The following IL1RAPL2 variants were observed in gnomAD, a reference collection of about 807,000 sequenced individuals.
IL1RAPL2 encodes interleukin 1 receptor accessory protein like 2, also known as X-linked interleukin-1 receptor accessory protein-like 2.
In IL1RAPL2, 3 loss-of-function variants were observed where a neutral mutation model predicts 44.1. That is an observed-to-expected ratio of 0.07 (90% CI 0.03 to 0.18). The LOEUF is 0.18. Ranked by LOEUF, IL1RAPL2 falls within the 10% of genes least tolerant of loss-of-function variation. The probability of loss-of-function intolerance (pLI) is 1.00; values close to 1 mark genes in which losing one functional copy is unlikely to be tolerated. For synonymous variants in IL1RAPL2, 181 were observed against 178.8 expected, an observed-to-expected ratio of 1.01 and a Z score of -0.10; for missense variants, 391 against 496.4, an observed-to-expected ratio of 0.79 and a Z score of 2.02.
At chrX:105,125,304 T>C (rs2032963741) in intron 2 of IL1RAPL2, among the ~76,000 whole-genome samples, 1 of 110,925 alleles carries the variant, frequency 9.0e-6, no homozygotes, top group African/African-American at 3.3e-5. Flanking sequence ...GTTGAACGTA[T>C]AATAAGGCAT....
chrX:105,588,791 T>C (rs1321770219), intron 6 of IL1RAPL2, among the ~76,000 whole-genome samples: 2 of 112,263 alleles, frequency 1.8e-5, no homozygotes, highest in Non-Finnish European at 3.8e-5. Flanking sequence ...AGTCTACTAT[T>C]GATGAGCATT....
chrX:104,710,232 G>T (rs1177436988), intron 2 of IL1RAPL2, among the ~76,000 whole-genome samples: 1 of 111,434 alleles, frequency 9.0e-6, no homozygotes, highest in Non-Finnish European at 1.9e-5. Flanking sequence ...GTGCAAATGG[G>T]CCAAAAGTTT....
chrX:105,089,074 A>G (rs1290877723), intron 2 of IL1RAPL2, among the ~76,000 whole-genome samples: 1 of 111,666 alleles, frequency 9.0e-6, no homozygotes, highest in East Asian at 2.8e-4. Context: ...ACTCTACAGT[A>G]TGAAAAGGAT....
At chrX:105,686,380 C>CAGAAAAAA (rs2037975354) in intron 6 of IL1RAPL2, among the ~76,000 whole-genome samples, 1 of 25,170 alleles carries the variant, frequency 4.0e-5, no homozygotes. Flanking sequence ...AAATGGAAAG[C>CAGAAAAAA]AAAAAAAAAA....
At chrX:104,585,364 T>TA (rs1928531897) in intron 1 of IL1RAPL2, among the ~76,000 whole-genome samples, 1 of 26,997 alleles carries the variant, frequency 3.7e-5, no homozygotes, top group South Asian at 1.4e-3. Context: ...ATATATATTA[T>TA]ATATATTATA....
At chrX:105,177,656 G>A (rs1569398043) in intron 2 of IL1RAPL2, among the ~76,000 whole-genome samples, 1 of 110,936 alleles carries the variant, frequency 9.0e-6, no homozygotes, top group Non-Finnish European at 1.9e-5. Flanking sequence ...GTACAAATTT[G>A]TGTGACAAAT....
At position 105,267,547 on chromosome X, in the gene IL1RAPL2, A is replaced by T. The variant is rs1603040026; in HGVS notation, c.697+6A>T. 1 of 1,162,900 alleles carries T rather than the reference A, an allele frequency of 8.6e-7. No homozygotes were observed. The highest frequency in any genetic ancestry group is 3.0e-5 in the East Asian group (1 of 32,888). ...AACTGAATTGAAAGTTACAGGTAGG[A>T]ATCAGTTCTACAAAATTACGGCAAA... On this transcript the variant is annotated splice_donor_region_variant and intron_variant, in intron 5 of 10. Transcript: ENST00000372582.
chrX:105,181,216 C>T (rs930716567), intron 2 of IL1RAPL2, among the ~76,000 whole-genome samples: 1 of 111,710 alleles, frequency 9.0e-6, no homozygotes, highest in African/African-American at 3.3e-5. Flanking sequence ...TTTCTCTCTT[C>T]TTGGTTAGTA....
intron 6 of IL1RAPL2, among the ~76,000 whole-genome samples, chrX:105,605,872 G>T (rs938690992): frequency 1.8e-5 from 2 of 111,437 alleles, no homozygotes; most frequent in Admixed American, 1.9e-4. Context: ...TCAATAAATG[G>T]TGATGGAAAA....
At chrX:105,518,229 A>G (rs925997229) in intron 6 of IL1RAPL2, among the ~76,000 whole-genome samples, 1 of 110,867 alleles carries the variant, frequency 9.0e-6, no homozygotes, top group Non-Finnish European at 1.9e-5. Context: ...AGCTTTAAGC[A>G]AATAACCTCT....
chrX:104,761,226 C>T (rs905162508), intron 2 of IL1RAPL2, among the ~76,000 whole-genome samples: 3 of 111,266 alleles, frequency 2.7e-5, no homozygotes, highest in African/African-American at 9.8e-5. Flanking sequence ...CCTCAGGAAA[C>T]TTACAGTCAT....
intron 2 of IL1RAPL2, among the ~76,000 whole-genome samples, chrX:105,008,433 T>C (rs1367589700): frequency 4.5e-5 from 5 of 111,305 alleles, no homozygotes; most frequent in Non-Finnish European, 9.5e-5. Flanking sequence ...GAGAATTTTT[T>C]TTTCAGTTTC....
At position 105,500,258 on chromosome X, in the gene IL1RAPL2, C is replaced by T. The variant is rs777005800; in HGVS notation, c.772+15871C>T. Among the ~76,000 whole-genome samples the T allele has an allele frequency of 9.2e-5, 10 of 108,819 alleles. No homozygotes were observed. In the South Asian group the frequency reaches 4.0e-3, roughly 43 times the overall value. 94.5% of individuals were successfully genotyped at this position (108,819 alleles called of 115,157 possible). A position where few individuals can be genotyped will look rare whatever the true frequency, so the allele number is the denominator to read the frequency against. On this transcript the variant is annotated intron_variant, in intron 6 of 10. Coordinates refer to ENST00000372582, the MANE Select transcript of IL1RAPL2 (RefSeq NM_017416.2). ...GAAAAAGCTCTAGAGGTCTGCTGTACAACAATGGATATATAGATAATAATA... is the reference window on the plus strand; with the variant it reads ...GAAAAAGCTCTAGAGGTCTGCTGTATAACAATGGATATATAGATAATAATA...
chrX:105,208,144 G>T (rs781904760), intron 3 of IL1RAPL2, among the ~76,000 whole-genome samples: 1 of 111,005 alleles, frequency 9.0e-6, no homozygotes, highest in Non-Finnish European at 1.9e-5. Flanking sequence ...TTATCGAGGC[G>T]TTTTTTTCTG....
intron 5 of IL1RAPL2, among the ~76,000 whole-genome samples, chrX:105,337,718 T>C (rs747404829): frequency 6.7e-4 from 75 of 111,651 alleles, no homozygotes; most frequent in Non-Finnish European, 1.2e-3. Context: ...GGTGAAACCC[T>C]GTCTCTACTA....
chrX:104,855,309 C>T (rs779300978), intron 2 of IL1RAPL2, among the ~76,000 whole-genome samples: 19 of 111,577 alleles, frequency 1.7e-4, no homozygotes, highest in Non-Finnish European at 3.2e-4. Flanking sequence ...GAGTCAGACT[C>T]AGCTGGAGTT....
intron 2 of IL1RAPL2, among the ~76,000 whole-genome samples, chrX:104,872,298 G>A (rs971424650): frequency 5.4e-5 from 6 of 111,611 alleles, no homozygotes; most frequent in Non-Finnish European, 9.4e-5. Flanking sequence ...GGGAGCATGA[G>A]CAGTTTCAAC....
intron 6 of IL1RAPL2, among the ~76,000 whole-genome samples, chrX:105,716,991 C>T (rs963413827): frequency 9.0e-6 from 1 of 111,410 alleles, no homozygotes; most frequent in African/African-American, 3.3e-5. Context: ...CATAGGGAGA[C>T]CCTGTGTGGT....
rs373662675 is a variant in IL1RAPL2 at position 105,755,396 on chromosome X, T to C, written c.1363+49T>C. 7 of 975,205 alleles carry C rather than the reference T, an allele frequency of 7.2e-6. No homozygotes were observed. In the African/African-American group the frequency reaches 1.1e-4, roughly 16 times the overall value. The allele number at this position is 975,205 out of a possible 1,213,427, so 80.4% of individuals were successfully genotyped here. ...TTAAAACGTTCTGTTTCTTTTAGGA[T>C]GTTATGTGAAGGCTTCAAACATCAG... is the stretch of plus-strand genomic sequence containing the variant. On this transcript the variant is annotated intron_variant, in intron 10 of 10. Coordinates refer to ENST00000372582, the MANE Select transcript of IL1RAPL2 (RefSeq NM_017416.2).
Sources: allele counts gnomAD v4.1 joint callset (sites outside exome capture counted in the v4.1 genomes callset), GRCh38; gene constraint gnomAD v4.1.1; transcripts MANE v1.5; gene names NCBI Gene and HGNC (gene_info 2026-07-23, HGNC 2026-07-21).